The following FAM13C variants were observed in gnomAD, a reference collection of about 807,000 sequenced individuals.
FAM13C encodes the protein protein FAM13C.
Under a neutral mutation model 73.2 loss-of-function variants are expected in FAM13C, and 37 were observed. The ratio of observed to expected loss-of-function variants is 0.51; its 90% CI spans 0.39 to 0.67. The LOEUF is 0.67. Ranked by LOEUF, FAM13C falls within the 30% of genes least tolerant of loss-of-function variation. The pLI is 0.00. For synonymous variants in FAM13C, 246 were observed against 260.9 expected, an observed-to-expected ratio of 0.94 and a Z score of 0.55; for missense variants, 589 against 715.6, an observed-to-expected ratio of 0.82 and a Z score of 2.02.
Position 59,247,539 on chromosome 10 carries a change from C to T in FAM13C, c.*75G>A. 2 of 1,588,684 alleles carry T rather than the reference C, an allele frequency of 1.3e-6. No individual in the cohort carries two copies. The highest frequency in any genetic ancestry group is 8.6e-7 in the Non-Finnish European group (1 of 1,163,438). On this transcript the variant is annotated 3_prime_UTR_variant, in exon 14 of 14. Coordinates refer to ENST00000618804, the MANE Select transcript of FAM13C (RefSeq NM_198215.4). Reference sequence around the variant, plus strand: ...TTCCATTTTCATTGTGTCAAAACTACTTAGCAAGGATGGCAGAGGAAAATA... The same window carrying T: ...TTCCATTTTCATTGTGTCAAAACTATTTAGCAAGGATGGCAGAGGAAAATA...
chr10:59,274,001 G>T (rs1844024297), intron 6 of FAM13C, among the ~76,000 whole-genome samples: 1 of 152,148 alleles, frequency 6.6e-6, no homozygotes, highest in East Asian at 1.9e-4. Context: ...CCATCATGGT[G>T]GGCTCATAAA....
At chr10:59,293,559 T>A (rs1294359996) in intron 5 of FAM13C, among the ~76,000 whole-genome samples, 1 of 152,246 alleles carries the variant, frequency 6.6e-6, no homozygotes, top group Non-Finnish European at 1.5e-5. Context: ...ATTTTCTTTA[T>A]CCATTTGTCT....
chr10:59,300,749 G>A (rs1847502728), intron 5 of FAM13C: 1 of 152,174 alleles, frequency 6.6e-6, no homozygotes, highest in African/African-American at 2.4e-5. Context: ...ACACAAAAGA[G>A]CATATGTAAT....
At chr10:59,312,894 T>C (rs1849094364) in intron 4 of FAM13C, among the ~76,000 whole-genome samples, 1 of 152,178 alleles carries the variant, frequency 6.6e-6, no homozygotes, top group Admixed American at 6.5e-5. Flanking sequence ...TTAGTCCTCT[T>C]GCTCCATCAG....
Position 59,302,840 on chromosome 10 carries a change from C to T in FAM13C, c.468G>A (p.Ser156=), listed in dbSNP as rs114236655. The change falls in exon 5 of 14, where the codon TCG becomes TCA. Residue 156 remains serine (S), a synonymous_variant. Transcript: ENST00000618804. ...GCCGAGTTTCAAAAGCATCCTTTGG[C>T]GAAATGGCAGTCCTCTGGTCTATTC... is the stretch of plus-strand genomic sequence containing the variant. ...QPRIDQRTAI[S]PKDAFETRQD... is the part of the protein sequence containing the mutation. 9.7e-4 allele frequency: 1,559 copies of T among 1,613,962 alleles called. 18 individuals are homozygous for T. In the African/African-American group the frequency reaches 0.018, roughly 19 times the overall value.
chr10:59,327,185 A>C (rs1851271490), intron 3 of FAM13C, among the ~76,000 whole-genome samples: 1 of 152,152 alleles, frequency 6.6e-6, no homozygotes, highest in African/African-American at 2.4e-5. Flanking sequence ...GGGGAGGAAA[A>C]CCCAAGCCTT....
chr10:59,338,335 C>CT (rs1853021473), intron 3 of FAM13C, among the ~76,000 whole-genome samples: 2 of 152,138 alleles, frequency 1.3e-5, no homozygotes. Context: ...GGGCTCATCT[C>CT]TTTTTGCATC....
chr10:59,290,735 T>C (rs945432138), intron 5 of FAM13C, among the ~76,000 whole-genome samples: 2 of 152,204 alleles, frequency 1.3e-5, no homozygotes, highest in Non-Finnish European at 2.9e-5. Context: ...ATCAGCTCCA[T>C]GAGAGCTAGC....
intron 3 of FAM13C, among the ~76,000 whole-genome samples, chr10:59,349,638 C>T (rs1176607955): frequency 6.6e-6 from 1 of 151,952 alleles, no homozygotes; most frequent in African/African-American, 2.4e-5. Flanking sequence ...TGGCACATGC[C>T]CGTAGTCTCC....
chr10:59,253,087 A>G, intron 11 of FAM13C, 89 bp from the exon 12 acceptor site: 1 of 1,332,690 alleles, frequency 7.5e-7, no homozygotes, highest in Non-Finnish European at 1.1e-6. Flanking sequence ...CTATAAATCA[A>G]TGCCATGAAA....
At chr10:59,315,342 C>A (rs1849395596) in intron 4 of FAM13C, among the ~76,000 whole-genome samples, 3 of 152,110 alleles carry the variant, frequency 2.0e-5, no homozygotes. Context: ...TCTTGTGATA[C>A]TGTTATGTAA....
intron 3 of FAM13C, among the ~76,000 whole-genome samples, chr10:59,349,862 T>C (rs570941313): frequency 2.3e-4 from 35 of 152,340 alleles, no homozygotes; most frequent in African/African-American, 7.5e-4. Context: ...TTTTTGAATA[T>C]ATAAGAAGTC....
chr10:59,267,519 C>A (rs1291971884), intron 8 of FAM13C, among the ~76,000 whole-genome samples: 1 of 152,132 alleles, frequency 6.6e-6, no homozygotes, highest in Non-Finnish European at 1.5e-5. Flanking sequence ...TCTTCAACAT[C>A]CTGACTAAAG....
chr10:59,352,387 A>C lies in FAM13C; in HGVS notation c.207T>G (p.Asn69Lys). The change falls in exon 3 of 14, where the codon AAT becomes AAG. Residue 69 changes from asparagine (N) to lysine (K), a missense_variant. Physicochemically the swap from Asn to Lys is moderately conservative, Grantham distance 94. Coordinates refer to ENST00000618804, the MANE Select transcript of FAM13C (RefSeq NM_198215.4). Reference protein sequence around the residue: ...APPSWEPQQQNVEATVLVDSV... With the variant: ...APPSWEPQQQKVEATVLVDSV... ...TGTCCACCAGCACGGTCGCCTCTACATTCTGCTGCTGCGGCTCCCAAGAGG... is the reference window on the plus strand; with the variant it reads ...TGTCCACCAGCACGGTCGCCTCTACCTTCTGCTGCTGCGGCTCCCAAGAGG... 1 of 1,614,024 alleles carries C rather than the reference A, an allele frequency of 6.2e-7. No homozygotes were observed. The highest frequency in any genetic ancestry group is 8.5e-7 in the Non-Finnish European group (1 of 1,179,996).
intron 5 of FAM13C, among the ~76,000 whole-genome samples, chr10:59,292,882 T>C (rs1016674959): frequency 6.6e-6 from 1 of 152,086 alleles, no homozygotes; most frequent in Non-Finnish European, 1.5e-5. Flanking sequence ...TGAAAATCCG[T>C]AGTAAATCAT....
chr10:59,294,652 G>T (rs1474768085), intron 5 of FAM13C, among the ~76,000 whole-genome samples: 1 of 152,216 alleles, frequency 6.6e-6, no homozygotes, highest in Non-Finnish European at 1.5e-5. Flanking sequence ...AGGCCTGGAA[G>T]CCATTCAGAA....
At chr10:59,294,379 T>C (rs1846648433) in intron 5 of FAM13C, among the ~76,000 whole-genome samples, 1 of 152,078 alleles carries the variant, frequency 6.6e-6, no homozygotes. Flanking sequence ...GGGAGATGGG[T>C]AGGCTGCCAG....
intron 3 of FAM13C, among the ~76,000 whole-genome samples, chr10:59,328,423 T>C (rs1387745938): frequency 1.3e-5 from 2 of 152,214 alleles, no homozygotes; most frequent in Admixed American, 1.3e-4. Context: ...TTTGATCAAA[T>C]GGCATGGCCA....
chr10:59,274,310 T>C (rs979405285), intron 6 of FAM13C, among the ~76,000 whole-genome samples: 1 of 152,126 alleles, frequency 6.6e-6, no homozygotes, highest in Non-Finnish European at 1.5e-5. Context: ...AGAGAGAACA[T>C]GGGTAAACCT....
Sources: gnomAD v4.1 joint callset for allele counts (sites outside exome capture counted in the v4.1 genomes callset) on GRCh38, gnomAD v4.1.1 for gene constraint, MANE v1.5 for transcripts, NCBI Gene and HGNC (gene_info 2026-07-23, HGNC 2026-07-21) for gene names.